The following CTNNA3 variants were observed in gnomAD, a reference collection of about 807,000 sequenced individuals.
CTNNA3 encodes the protein catenin alpha 3.
A neutral mutation model predicts 95.7 loss-of-function variants in CTNNA3; 76 were observed. That is an observed-to-expected ratio of 0.79 (90% CI 0.66 to 0.96). The LOEUF is 0.96. CTNNA3 is among the 40% of genes least tolerant of loss of function. The pLI, the probability that CTNNA3 is intolerant of heterozygous loss-of-function variation, is 0.00. For synonymous variants in CTNNA3, 431 were observed against 374.4 expected (o/e 1.15, Z -1.74); for missense variants, 1,191 against 1,089.8 (o/e 1.09, Z -1.31).
chr10:67,403,245 C>T (rs1005642312), intron 5 of CTNNA3: 1 of 152,338 alleles, frequency 6.6e-6, no homozygotes, highest in African/African-American at 2.4e-5. Flanking sequence ...GGCAGGACTT[C>T]CCAATAGGGA....
chr10:66,202,390 TG>T (rs1184135098), intron 13 of CTNNA3, among the ~76,000 whole-genome samples: 1 of 152,194 alleles, frequency 6.6e-6, no homozygotes, highest in African/African-American at 2.4e-5. Flanking sequence ...ATAAGGCAAA[TG>T]CCAAGGTACA....
chr10:67,616,144 G>A (rs1043784108), intron 2 of CTNNA3, among the ~76,000 whole-genome samples: 1 of 152,126 alleles, frequency 6.6e-6, no homozygotes, highest in African/African-American at 2.4e-5. Flanking sequence ...CCAAACAGAA[G>A]AAACAGGCGC....
intron 12 of CTNNA3, among the ~76,000 whole-genome samples, chr10:66,348,109 G>A (rs2092538612): frequency 6.6e-6 from 1 of 152,022 alleles, no homozygotes; most frequent in South Asian, 2.1e-4. Context: ...CAATCAGGTT[G>A]GCATCAGATT....
chr10:67,322,325 G>C (rs996089106), intron 5 of CTNNA3, among the ~76,000 whole-genome samples: 1 of 152,048 alleles, frequency 6.6e-6, no homozygotes, highest in African/African-American at 2.4e-5. Context: ...TCATCACCCA[G>C]GTATTAAGTT....
intron 7 of CTNNA3, among the ~76,000 whole-genome samples, chr10:66,830,438 GGTTAA>G (rs74262539): frequency 0.21 from 31,588 of 151,860 alleles, 4,280 homozygotes; most frequent in Non-Finnish European, 0.31. Context: ...TACCGACAGA[GGTTAA>G]GTTATTTACC....
intron 7 of CTNNA3, among the ~76,000 whole-genome samples, chr10:66,802,191 T>C (rs1166722238): frequency 2.0e-5 from 3 of 151,766 alleles, no homozygotes; most frequent in Non-Finnish European, 4.4e-5. Flanking sequence ...TTTTTGGATA[T>C]GATAAAGAAC....
chr10:66,073,342 G>A lies in CTNNA3; in HGVS notation c.1978-3853C>T, dbSNP rs146587102. Among the ~76,000 whole-genome samples, 388 of 152,244 alleles carry A rather than the reference G, an allele frequency of 2.5e-3. 6 individuals are homozygous for A. The highest frequency in any genetic ancestry group is 9.0e-3 in the African/African-American group (375 of 41,538). The stretch of plus-strand genomic sequence containing the variant: ...AATTAGCCAATATAGTTCTTCTACA[G>A]TGTACATATAGGTCAGCTACGCTAC... On this transcript the variant is annotated intron_variant, in intron 14 of 17. Coordinates refer to ENST00000433211, the MANE Select transcript of CTNNA3 (RefSeq NM_013266.4).
At chr10:66,184,299 A>T (rs1316670243) in intron 13 of CTNNA3, among the ~76,000 whole-genome samples, 1 of 152,182 alleles carries the variant, frequency 6.6e-6, no homozygotes, top group Non-Finnish European at 1.5e-5. Flanking sequence ...ACTCTGTCTC[A>T]AAAACAAAAA....
rs537776361 is a variant in CTNNA3, at chr10:66,010,138, G to A, written c.2160-21341C>T. Among the ~76,000 whole-genome samples the A allele has an allele frequency of 3.7e-5, 4 of 109,002 alleles. No homozygotes were observed. The South Asian group carries it at 1.1e-3, about 30-fold the overall frequency. 71.5% of individuals were successfully genotyped at this position (109,002 alleles called of 152,430 possible). A position where few individuals can be genotyped will look rare whatever the true frequency, so the allele number is the denominator to read the frequency against. ...CAAAATAGGCAGTGAATGATTATCC[G>A]AAAACATTGTTCATTCTAAAATTGT... is the stretch of plus-strand genomic sequence containing the variant. On this transcript the variant is annotated intron_variant, in intron 15 of 17. Coordinates refer to ENST00000433211, the MANE Select transcript of CTNNA3 (RefSeq NM_013266.4).
At chr10:66,722,153 T>C (rs922228181) in intron 9 of CTNNA3, among the ~76,000 whole-genome samples, 3 of 151,616 alleles carry the variant, frequency 2.0e-5, no homozygotes, top group African/African-American at 7.3e-5. Flanking sequence ...CTGAGGCGGG[T>C]GGATCACGAG....
At chr10:67,122,382 C>A (rs1859514413) in intron 7 of CTNNA3, among the ~76,000 whole-genome samples, 1 of 151,462 alleles carries the variant, frequency 6.6e-6, no homozygotes, top group African/African-American at 2.4e-5. Flanking sequence ...TATGAAAGAC[C>A]TAGAAGAAAT....
intron 15 of CTNNA3, among the ~76,000 whole-genome samples, chr10:66,033,295 T>C (rs548330742): frequency 1.3e-5 from 2 of 151,346 alleles, no homozygotes; most frequent in East Asian, 3.9e-4. Context: ...CACGCCCGGC[T>C]AATTTTGTTT....
At chr10:66,291,106 T>C (rs1033032451) in intron 12 of CTNNA3, among the ~76,000 whole-genome samples, 1 of 152,092 alleles carries the variant, frequency 6.6e-6, no homozygotes, top group African/African-American at 2.4e-5. Context: ...TGCTAGTGAT[T>C]TACACGTGTG....
chr10:66,479,723 A>G (rs2131897104), intron 11 of CTNNA3, among the ~76,000 whole-genome samples: 1 of 152,090 alleles, frequency 6.6e-6, no homozygotes, highest in African/African-American at 2.4e-5. Flanking sequence ...GTACGGAACC[A>G]AGGAAAGGCA....
chr10:66,820,843 C>T (rs890170928), intron 7 of CTNNA3, among the ~76,000 whole-genome samples: 13 of 151,880 alleles, frequency 8.6e-5, no homozygotes, highest in African/African-American at 2.4e-4. Flanking sequence ...AATTTATATA[C>T]AAAAAGTCTT....
At chr10:67,598,821 G>A (rs1437339140) in intron 3 of CTNNA3, among the ~76,000 whole-genome samples, 11 of 151,954 alleles carry the variant, frequency 7.2e-5, no homozygotes, top group Admixed American at 3.3e-4. Flanking sequence ...GACAGAATGA[G>A]CAAAAACTGA....
intron 7 of CTNNA3, among the ~76,000 whole-genome samples, chr10:66,974,079 G>A (rs980338519): frequency 3.3e-5 from 5 of 152,100 alleles, no homozygotes; most frequent in Admixed American, 6.6e-5. Flanking sequence ...GTTGCCCTGA[G>A]TCTCTCTGTA....
chr10:65,970,170 C>G (rs994565120), intron 16 of CTNNA3, among the ~76,000 whole-genome samples: 7 of 152,176 alleles, frequency 4.6e-5, no homozygotes, highest in Admixed American at 4.6e-4. Context: ...CATATCCCAC[C>G]AGGCTAAGCT....
chr10:66,115,092 T>C (rs1216901593), intron 13 of CTNNA3, among the ~76,000 whole-genome samples: 1 of 152,150 alleles, frequency 6.6e-6, no homozygotes, highest in Non-Finnish European at 1.5e-5. Flanking sequence ...ACGTACCATT[T>C]CAAGGACGTG....
Sources: allele counts gnomAD v4.1 joint callset (sites outside exome capture counted in the v4.1 genomes callset), GRCh38; gene constraint gnomAD v4.1.1; transcripts MANE v1.5; gene names NCBI Gene and HGNC (gene_info 2026-07-23, HGNC 2026-07-21).